The following MARF1 variants were observed in gnomAD, a reference collection of about 807,000 sequenced individuals.
MARF1 encodes the protein limkain-b1.
MARF1 carries 24 observed loss-of-function variants against 168.2 expected under a neutral mutation model. The observed-to-expected ratio is 0.14, with a 90% CI of 0.10 to 0.20. The LOEUF (loss-of-function observed/expected upper bound fraction) is 0.20, where lower values mean the gene tolerates loss of function less well. MARF1 is among the 10% of genes least tolerant of loss of function. The pLI, the probability that MARF1 is intolerant of heterozygous loss-of-function variation, is 1.00. For missense variants in MARF1, 1,744 were observed against 2,143.6 expected, an observed-to-expected ratio of 0.81 and a Z score of 3.68; for synonymous variants, 868 against 822.4, an observed-to-expected ratio of 1.06 and a Z score of -0.95.
intron 3 of MARF1, 127 bp downstream of exon 3, chr16:15,635,529 G>C: frequency 1.2e-6 from 1 of 818,090 alleles, no homozygotes. Context: ...TATGCTGATG[G>C]GGAGATTCCC....
rs751131311 is a variant in MARF1, at chr16:15,615,661, G to GT, written c.3253+168dup. The stretch of plus-strand genomic sequence containing the variant: ...TAAATAAAAAATAAAACAAAGTCCA[G>GT]TAACGCCAACCCCTCAAGCATTTTA... On this transcript the variant is annotated intron_variant, in intron 16 of 26. Coordinates refer to ENST00000396368, the MANE Select transcript of MARF1 (RefSeq NM_014647.4). 5.9e-4 allele frequency among the ~76,000 whole-genome samples: 90 copies of GT among 152,112 alleles called. 1 individual carries two copies. Among genetic ancestry groups the GT allele is most frequent in the Middle Eastern group, 3.2e-3 (1 of 316 alleles).
At chr16:15,618,323 C>T (rs1042458212) in intron 13 of MARF1, among the ~76,000 whole-genome samples, 1 of 152,160 alleles carries the variant, frequency 6.6e-6, no homozygotes, top group Non-Finnish European at 1.5e-5. Flanking sequence ...AGCCCCTGGT[C>T]CTCTTCCACC....
chr16:15,597,474 C>G (rs1037510327), intron 26 of MARF1, among the ~76,000 whole-genome samples: 1 of 152,238 alleles, frequency 6.6e-6, no homozygotes, highest in Non-Finnish European at 1.5e-5. Flanking sequence ...TTGAGCACAG[C>G]CAGCTTTCCC....
chr16:15,609,345 A>T (rs552709018), intron 20 of MARF1, among the ~76,000 whole-genome samples, 178 bp downstream of exon 20: 3 of 152,336 alleles, frequency 2.0e-5, no homozygotes, highest in South Asian at 2.1e-4. Flanking sequence ...GGAAAAAGCC[A>T]TATTTATCTA....
At chr16:15,598,574 G>C (rs2032011607) in intron 26 of MARF1, among the ~76,000 whole-genome samples, 1 of 152,056 alleles carries the variant, frequency 6.6e-6, no homozygotes, top group African/African-American at 2.4e-5. Context: ...AGAAGCCCAG[G>C]AGGCCCCACC....
At position 15,635,848 on chromosome 16, in the gene MARF1, C is replaced by T. The variant is rs766414936; in HGVS notation, c.639G>A (p.Pro213=). The T allele has an allele frequency of 5.6e-6, 9 of 1,614,146 alleles. No individual in the cohort carries two copies. Among genetic ancestry groups the T allele is most frequent in the East Asian group, 2.2e-5 (1 of 44,888 alleles). ...HGNVHKLHQF[P]SLQGCTSAGY... ...CAGCGGAGGTGCAGCCCTGCAGACT[C>T]GGAAACTGATGCAGCTTGTGCACAT... Residue 213 remains proline (P), a synonymous_variant, in exon 3 of 27, where the codon CCG becomes CCA. Coordinates refer to ENST00000396368, the MANE Select transcript of MARF1 (RefSeq NM_014647.4).
rs1273138747 is a variant in MARF1, at chr16:15,643,000, GA to G, written c.-59+17del. On this transcript the variant is annotated intron_variant, in intron 1 of 26. Transcript: ENST00000396368. Reference sequence around the variant, plus strand: ...AGAGCCTGCCGGGGTCTGGTCGCAGGACTGTCTGCAAACTCACCTCTGCCGC... The same window carrying G: ...AGAGCCTGCCGGGGTCTGGTCGCAGGCTGTCTGCAAACTCACCTCTGCCGC... The G allele has an allele frequency of 7.6e-6, 2 of 264,614 alleles. No individual in the cohort carries two copies. Among genetic ancestry groups the G allele is most frequent in the African/African-American group, 4.8e-5 (2 of 41,956 alleles). The allele number at this position is 264,614 out of a possible 1,614,324, so 16.4% of individuals were successfully genotyped here.
intron 26 of MARF1, among the ~76,000 whole-genome samples, chr16:15,597,608 A>G (rs1291104132): frequency 6.6e-6 from 1 of 152,224 alleles, no homozygotes; most frequent in Non-Finnish European, 1.5e-5. Flanking sequence ...CATAGGGCAC[A>G]GGGCTCCTGC....
At chr16:15,616,815 A>G (rs1280261223) in intron 15 of MARF1, 3 of 484,156 alleles carry the variant, frequency 6.2e-6, no homozygotes, top group African/African-American at 5.9e-5. Context: ...CTAATCATCG[A>G]AAGGTCTAGT....
intron 23 of MARF1, 53 bp from the exon 24 acceptor site, chr16:15,600,754 C>T: frequency 6.3e-7 from 1 of 1,586,042 alleles, no homozygotes; most frequent in East Asian, 2.2e-5. Flanking sequence ...GGGACAGAAG[C>T]CCTAACATTC....
At chr16:15,617,878 T>A (rs187978010) in intron 13 of MARF1, among the ~76,000 whole-genome samples, 3 of 152,224 alleles carry the variant, frequency 2.0e-5, no homozygotes, top group Admixed American at 6.5e-5. Context: ...CTTCTCACCA[T>A]CCCCATTCTC....
chr16:15,609,912 G>A (rs1052938340), intron 19 of MARF1, among the ~76,000 whole-genome samples, 187 bp from the exon 20 acceptor site: 1 of 151,910 alleles, frequency 6.6e-6, no homozygotes, highest in African/African-American at 2.4e-5. Flanking sequence ...CATGTTCCAG[G>A]GCAGAACACC....
chr16:15,629,974 C>T (rs184066879), intron 7 of MARF1, among the ~76,000 whole-genome samples: 2 of 152,282 alleles, frequency 1.3e-5, no homozygotes, highest in African/African-American at 2.4e-5. Flanking sequence ...TGAGAACCCT[C>T]GCCATATTCT....
At chr16:15,626,708 G>A (rs56936431) in intron 7 of MARF1, among the ~76,000 whole-genome samples, 16,817 of 151,954 alleles carry the variant, frequency 0.11, 1,349 homozygotes, top group African/African-American at 0.23. Flanking sequence ...GCCTGTCATC[G>A]CAACACTCTG....
intron 3 of MARF1, chr16:15,635,207 T>C (rs2035503784): frequency 2.3e-6 from 1 of 441,258 alleles, no homozygotes; most frequent in East Asian, 3.6e-5. Flanking sequence ...ACCTCACACA[T>C]ATTTTACATA....
rs756682071 is a variant in MARF1 at position 15,609,639 on chromosome 16, G to C, written c.3838C>G (p.Pro1280Ala). 1.9e-5 allele frequency: 30 copies of C among 1,614,104 alleles called. No individual in the cohort carries two copies. The highest frequency in any genetic ancestry group is 2.5e-5 in the Non-Finnish European group (30 of 1,180,002). ...LLRHQPHFRM[P>A]FNKFIPSYHH... ...TAAGAAGGGATAAATTTATTAAAGG[G>C]CATCCGGAAATGGGGTTGGTGACGC... The change falls in exon 20 of 27, where the codon CCC (proline) becomes GCC (alanine). Residue 1280 changes from proline (P) to alanine (A), a missense_variant. By Grantham distance (27) the Pro-to-Ala change is conservative. Transcript: ENST00000396368.
rs886428791 is a variant in MARF1, at chr16:15,594,972, A to G, written c.*1721T>C. 6.6e-6 allele frequency: 1 copy of G among 152,652 alleles called. No homozygotes were observed. The highest frequency in any genetic ancestry group is 2.1e-4 in the South Asian group (1 of 4,834). 9.5% of individuals were successfully genotyped at this position (152,652 alleles called of 1,614,324 possible). A position where few individuals can be genotyped will look rare whatever the true frequency, so the allele number is the denominator to read the frequency against. ...TCCACCACTCTTTACATGCTAGCAGAACTGAAGTCCAAGCGTGCAAACTCA... is the reference window on the plus strand; with the variant it reads ...TCCACCACTCTTTACATGCTAGCAGGACTGAAGTCCAAGCGTGCAAACTCA... On this transcript the variant is annotated 3_prime_UTR_variant, in exon 27 of 27. Transcript: ENST00000396368.
chr16:15,630,844 G>T (rs1415016139), intron 6 of MARF1, among the ~76,000 whole-genome samples: 1 of 151,704 alleles, frequency 6.6e-6, no homozygotes, highest in Admixed American at 6.6e-5. Context: ...AATAAACCTG[G>T]TCCCGGCCGG....
intron 21 of MARF1, among the ~76,000 whole-genome samples, chr16:15,607,050 G>A (rs2033077733): frequency 6.6e-6 from 1 of 152,106 alleles, no homozygotes; most frequent in Non-Finnish European, 1.5e-5. Flanking sequence ...AGCTAAACCT[G>A]GAAGTCAGGC....
Sources: gnomAD v4.1 joint callset for allele counts (sites outside exome capture counted in the v4.1 genomes callset) on GRCh38, gnomAD v4.1.1 for gene constraint, MANE v1.5 for transcripts, NCBI Gene and HGNC (gene_info 2026-07-23, HGNC 2026-07-21) for gene names.